Variants in DDX31 observed in about 807,000 individuals in gnomAD.
DDX31 encodes DEAD-box helicase 31, also known as ATP-dependent DNA helicase DDX31.
DDX31 carries 70 observed loss-of-function variants against 91.3 expected under a neutral mutation model. The ratio of observed to expected loss-of-function variants is 0.77; its 90% CI spans 0.63 to 0.94. The LOEUF is 0.94. Among genes scored for constraint, DDX31 ranks in the 40% least tolerant of loss-of-function variants. DDX31 has a pLI of 0.00. For synonymous variants in DDX31, 362 were observed against 350.6 expected (o/e 1.03, Z -0.36); for missense variants, 902 against 925.0 (o/e 0.98, Z 0.32).
intron 13 of DDX31, among the ~76,000 whole-genome samples, chr9:132,642,986 G>A (rs1833594018): frequency 6.6e-6 from 1 of 151,986 alleles, no homozygotes. Flanking sequence ...ACAATGCCTG[G>A]CTAATTTTTG....
At position 132,656,728 on chromosome 9, in the gene DDX31, T is replaced by C. The variant is rs901702680; in HGVS notation, c.588+1943A>G. Among the ~76,000 whole-genome samples, 3 of 152,186 alleles carry C rather than the reference T, an allele frequency of 2.0e-5. 1 individual carries two copies. In the South Asian group the frequency reaches 6.2e-4, roughly 32 times the overall value. On this transcript the variant is annotated intron_variant, in intron 6 of 19. Transcript: ENST00000372159. ...CAGTCATGGATCTATGAAATTAGAGTTAGGCTAGAACTGTATAAGCCATTC... is the reference window on the plus strand; with the variant it reads ...CAGTCATGGATCTATGAAATTAGAGCTAGGCTAGAACTGTATAAGCCATTC...
intron 18 of DDX31, among the ~76,000 whole-genome samples, chr9:132,614,434 C>T (rs216683): frequency 0.78 from 118,555 of 151,592 alleles, 47,014 homozygotes; most frequent in African/African-American, 0.92. Context: ...TACTGCTACG[C>T]GACCCAGGAG....
intron 11 of DDX31, 128 bp from the exon 12 acceptor site, chr9:132,647,186 A>G (rs3824573): frequency 0.32 from 257,312 of 796,478 alleles, 44,131 homozygotes; most frequent in South Asian, 0.39. Context: ...GGGTATCACC[A>G]AGTCCCAGCA....
chr9:132,621,460 T>C (rs1007922353), intron 17 of DDX31, among the ~76,000 whole-genome samples: 1 of 152,210 alleles, frequency 6.6e-6, no homozygotes, highest in African/African-American at 2.4e-5. Flanking sequence ...TATACCTAAA[T>C]ATGAAATATA....
At chr9:132,605,444 G>A (rs775546233) in intron 19 of DDX31, among the ~76,000 whole-genome samples, 2 of 152,138 alleles carry the variant, frequency 1.3e-5, no homozygotes, top group African/African-American at 2.4e-5. Context: ...CCTGTACAAC[G>A]CAAACACCAC....
intron 19 of DDX31, among the ~76,000 whole-genome samples, chr9:132,602,618 T>C (rs1287431701): frequency 6.6e-6 from 1 of 152,208 alleles, no homozygotes; most frequent in Admixed American, 6.5e-5. Context: ...GATCCAAATC[T>C]TGCTTATAAT....
At chr9:132,655,778 C>T (rs1163976843) in intron 6 of DDX31, among the ~76,000 whole-genome samples, 3 of 152,174 alleles carry the variant, frequency 2.0e-5, no homozygotes, top group African/African-American at 4.8e-5. Flanking sequence ...AACAAAACAA[C>T]GTTACTGCCA....
chr9:132,642,027 T>C lies in DDX31; in HGVS notation c.1417A>G (p.Arg473Gly). The C allele has an allele frequency of 6.2e-7, 1 of 1,614,210 alleles. No homozygotes were observed. Among genetic ancestry groups the C allele is most frequent in the Non-Finnish European group, 8.5e-7 (1 of 1,180,030 alleles). ...TAVFQEFSHS[R>G]RGVLLCTDVA... The stretch of plus-strand genomic sequence containing the variant: ...ACCGTGCAAAGAAGGACGCCTCTTC[T>C]GGAATGTGAAAATTCCTGAAACACT... Residue 473 changes from arginine (R) to glycine (G), a missense_variant, in exon 14 of 20, where the codon AGA becomes GGA. Arg to Gly is a moderately radical substitution (Grantham distance 125). Coordinates refer to ENST00000372159, the MANE Select transcript of DDX31 (RefSeq NM_022779.9).
At chr9:132,636,576 T>C (rs965278331) in intron 14 of DDX31, among the ~76,000 whole-genome samples, 2 of 152,142 alleles carry the variant, frequency 1.3e-5, no homozygotes, top group Non-Finnish European at 2.9e-5. Flanking sequence ...AGCGCAACAG[T>C]GAGTGATGAA....
At chr9:132,613,657 G>A (rs1170606421) in intron 18 of DDX31, among the ~76,000 whole-genome samples, 3 of 152,212 alleles carry the variant, frequency 2.0e-5, no homozygotes, top group East Asian at 3.8e-4. Context: ...TGGTGCCACC[G>A]CACTCCAGCC....
At chr9:132,629,989 A>G (rs1177453841) in intron 16 of DDX31, among the ~76,000 whole-genome samples, 2 of 152,280 alleles carry the variant, frequency 1.3e-5, no homozygotes, top group Non-Finnish European at 2.9e-5. Flanking sequence ...GATGGTGCAC[A>G]CTTATCTTGC....
intron 16 of DDX31, among the ~76,000 whole-genome samples, chr9:132,626,506 C>T (rs753346935): frequency 2.8e-4 from 43 of 152,076 alleles, no homozygotes; most frequent in Non-Finnish European, 5.3e-4. Flanking sequence ...GAGAGACTTG[C>T]GTGTCAGAGA....
Position 132,662,358 on chromosome 9 carries a change from C to G in DDX31, c.333-22G>C, listed in dbSNP as rs145631556. 5.2e-4 allele frequency: 847 copies of G among 1,614,124 alleles called. 2 individuals carry two copies. In the African/African-American group the frequency reaches 8.4e-3, roughly 16 times the overall value. On this transcript the variant is annotated intron_variant, in intron 2 of 19. Coordinates refer to ENST00000372159, the MANE Select transcript of DDX31 (RefSeq NM_022779.9). The stretch of plus-strand genomic sequence containing the variant: ...AGGTCTGCAAATGATGAACAAGAAC[C>G]CAGGCATCAGTGCCAATATTAACAA...
intron 16 of DDX31, among the ~76,000 whole-genome samples, chr9:132,626,717 T>C (rs1832417052): frequency 6.6e-6 from 1 of 151,882 alleles, no homozygotes; most frequent in Non-Finnish European, 1.5e-5. Flanking sequence ...ATTCTCCCCC[T>C]TTCACCCAAA....
chr9:132,669,509 G>A, intron 1 of DDX31: 4 of 1,286,004 alleles, frequency 3.1e-6, no homozygotes, highest in Non-Finnish European at 4.1e-6. Context: ...CTCAGTCGAG[G>A]AAACTGGCTT....
chr9:132,660,657 TTAA>T (rs1834877523), intron 4 of DDX31, among the ~76,000 whole-genome samples: 1 of 152,202 alleles, frequency 6.6e-6, no homozygotes, highest in South Asian at 2.1e-4. Context: ...AATTTGGACT[TTAA>T]TATTCCTATT....
chr9:132,637,773 A>C, intron 14 of DDX31: 3 of 976,722 alleles, frequency 3.1e-6, no homozygotes, highest in Non-Finnish European at 3.6e-6. Context: ...AACTGAGTAA[A>C]CAGCAAACAA....
intron 18 of DDX31, among the ~76,000 whole-genome samples, chr9:132,618,051 G>T (rs1831755421): frequency 6.6e-6 from 1 of 152,182 alleles, no homozygotes; most frequent in African/African-American, 2.4e-5. Flanking sequence ...AGATCCTTAA[G>T]ATCCAAGTTG....
intron 1 of DDX31, among the ~76,000 whole-genome samples, chr9:132,666,237 C>CTGCT (rs1392196452): frequency 6.6e-6 from 1 of 151,968 alleles, no homozygotes; most frequent in African/African-American, 2.4e-5. Context: ...TTGTATTGGT[C>CTGCT]TGCTTCTGGG....
Sources: gnomAD v4.1 joint callset for allele counts (sites outside exome capture counted in the v4.1 genomes callset) on GRCh38, gnomAD v4.1.1 for gene constraint, MANE v1.5 for transcripts, NCBI Gene and HGNC (gene_info 2026-07-23, HGNC 2026-07-21) for gene names.